Variants in FGF23 observed in about 807,000 individuals in gnomAD.
FGF23 encodes the protein fibroblast growth factor 23.
Under a neutral mutation model 9.0 loss-of-function variants are expected in FGF23, and 8 were observed. The ratio of observed to expected loss-of-function variants is 0.89; its 90% CI spans 0.52 to 1.60. FGF23 has a LOEUF of 1.60. FGF23 is among the 40% of genes most tolerant of loss of function. The probability of loss-of-function intolerance (pLI) is 0.00; values close to 1 mark genes in which losing one functional copy is unlikely to be tolerated. For missense variants in FGF23, 311 were observed against 344.3 expected (o/e 0.90, Z 0.77); for synonymous variants, 118 against 146.2 (o/e 0.81, Z 1.39).
Position 4,372,583 on chromosome 12 carries a change from A to C in FGF23, c.315+11T>G. On this transcript the variant is annotated intron_variant, in intron 2 of 2. Transcript: ENST00000237837. ...TTTGCAAATGGTGACCAACACAAAA[A>C]AGAAACTCACTGATCCAAAAATGTT... The C allele has an allele frequency of 6.5e-7, 1 of 1,542,752 alleles. No individual in the cohort carries two copies.
Position 4,379,419 on chromosome 12 carries a change from A to G in FGF23, c.164T>C (p.Ile55Thr). 1 of 1,613,432 alleles carries G rather than the reference A, an allele frequency of 6.2e-7. No homozygotes were observed. The highest frequency in any genetic ancestry group is 8.5e-7 in the Non-Finnish European group (1 of 1,180,024). Residue 55 changes from isoleucine to threonine, a missense_variant, in exon 1 of 3, where the codon ATC (isoleucine) becomes ACC (threonine). Ile to Thr is a moderately conservative substitution (Grantham distance 89, BLOSUM62 -1). This residue lies in a region of FGF23 where 102 missense variants were observed against 108.2 expected (regional missense o/e 0.94). Transcript: ENST00000237837. ...ATARNSYHLQ[I>T]HKNGHVDGAP... ...GCCATCCACATGGCCATTCTTGTGGATCTGCAGGTGGTAGCTGTTCCTGGC... is the reference window on the plus strand; with the variant it reads ...GCCATCCACATGGCCATTCTTGTGGGTCTGCAGGTGGTAGCTGTTCCTGGC...
At chr12:4,370,935 T>C in intron 2 of FGF23, 152 bp from the exon 3 acceptor site, 1 of 738,814 alleles carries the variant, frequency 1.4e-6, no homozygotes, top group Admixed American at 2.0e-5. Flanking sequence ...CCTGCTGGGG[T>C]AGAGTGGTTT....
At chr12:4,377,597 A>C (rs1305958118) in intron 1 of FGF23, among the ~76,000 whole-genome samples, 1 of 141,622 alleles carries the variant, frequency 7.1e-6, no homozygotes. Flanking sequence ...CGCCTGGCTA[A>C]TTTTTTGTAT....
chr12:4,377,583 A>C lies in FGF23; in HGVS notation c.211+1789T>G, dbSNP rs568700939. On this transcript the variant is annotated intron_variant, in intron 1 of 2. Coordinates refer to ENST00000237837, the MANE Select transcript of FGF23 (RefSeq NM_020638.3). ...GTAGCTGGGACTACAGGCGCCTGCC[A>C]CCACGCCTGGCTAATTTTTTGTATT... Among the ~76,000 whole-genome samples, 328 of 147,698 alleles carry C rather than the reference A, an allele frequency of 2.2e-3. 5 individuals are homozygous for C. Among genetic ancestry groups the C allele is most frequent in the African/African-American group, 7.7e-3 (312 of 40,620 alleles).
rs1865045838 is a variant in FGF23 at position 4,370,229 on chromosome 12, A to C, written c.*114T>G. ...GGAAGGGACCCCAGAGAAGCAGCAAATTCCATACATGCCCCTGTCACCTTT... is the reference window on the plus strand; with the variant it reads ...GGAAGGGACCCCAGAGAAGCAGCAACTTCCATACATGCCCCTGTCACCTTT... On this transcript the variant is annotated 3_prime_UTR_variant, in exon 3 of 3. Transcript: ENST00000237837. 1 of 1,112,990 alleles carries C rather than the reference A, an allele frequency of 9.0e-7. No individual in the cohort carries two copies. The highest frequency in any genetic ancestry group is 1.3e-6 in the Non-Finnish European group (1 of 747,718). The allele number at this position is 1,112,990 out of a possible 1,614,324, so 68.9% of individuals were successfully genotyped here.
Position 4,370,513 on chromosome 12 carries a change from G to T in FGF23, c.586C>A (p.Arg196=). ...ERDPLNVLKP[R]ARMTPAPASC... Reference sequence around the variant, plus strand: ...GCCGGGGCCGGGGTCATCCGGGCCCGGGGCTTCAGCACGTTCAGGGGGTCC... The same window carrying T: ...GCCGGGGCCGGGGTCATCCGGGCCCTGGGCTTCAGCACGTTCAGGGGGTCC... The change falls in exon 3 of 3, where the codon CGG becomes AGG. Residue 196 remains arginine, a synonymous_variant. Coordinates refer to ENST00000237837, the MANE Select transcript of FGF23 (RefSeq NM_020638.3). 6.2e-7 allele frequency: 1 copy of T among 1,611,192 alleles called. No individual in the cohort carries two copies. The highest frequency in any genetic ancestry group is 8.5e-7 in the Non-Finnish European group (1 of 1,178,166).
intron 1 of FGF23, among the ~76,000 whole-genome samples, chr12:4,376,948 C>T (rs1191289182): frequency 2.0e-5 from 3 of 152,106 alleles, no homozygotes; most frequent in Non-Finnish European, 4.4e-5. Flanking sequence ...GATCTCCCTC[C>T]CACTACCCTG....
chr12:4,372,908 C>T (rs977133453), intron 1 of FGF23, among the ~76,000 whole-genome samples: 12 of 152,216 alleles, frequency 7.9e-5, no homozygotes, highest in Non-Finnish European at 1.2e-4. Flanking sequence ...TCATTCACCT[C>T]CTGCTTCATC....
chr12:4,375,678 C>T (rs891050093), intron 1 of FGF23, among the ~76,000 whole-genome samples: 5 of 152,158 alleles, frequency 3.3e-5, no homozygotes, highest in Admixed American at 3.3e-4. Flanking sequence ...TCAAGGTGTC[C>T]TCTAGGTCTT....
rs371972859 is a variant in FGF23 at position 4,370,393 on chromosome 12, C to G, written c.706G>C (p.Ala236Pro). 9.9e-6 allele frequency: 16 copies of G among 1,613,638 alleles called. No homozygotes were observed. In the African/African-American group the frequency reaches 1.7e-4, roughly 18 times the overall value. Residue 236 changes from alanine (A) to proline (P), a missense_variant, in exon 3 of 3, where the codon GCT becomes CCT. Transcript: ENST00000237837. ...CAGCCTTCCGGGCCCGTTCCCCCAG[C>G]GTGCGTGTTCACTCGACCGCCCCTG... ...VVRGGRVNTHAGGTGPEGCRP... is the reference protein window; with the variant it reads ...VVRGGRVNTHPGGTGPEGCRP...
chr12:4,376,808 C>A (rs114566894), intron 1 of FGF23, among the ~76,000 whole-genome samples: 1 of 152,094 alleles, frequency 6.6e-6, no homozygotes, highest in African/African-American at 2.4e-5. Flanking sequence ...CGTGAGCCAC[C>A]GCATCTGGCC....
chr12:4,379,052 AT>A (rs1865148690), intron 1 of FGF23, among the ~76,000 whole-genome samples: 1 of 151,906 alleles, frequency 6.6e-6, no homozygotes, highest in Non-Finnish European at 1.5e-5. Context: ...CTTTCTGTAC[AT>A]TTTTTCAATC....
rs557303699 is a variant in FGF23 at position 4,379,522 on chromosome 12, C to T, written c.61G>A (p.Val21Ile). Reference protein sequence around the residue: ...CALCSVCSMSVLRAYPNASPL... With the variant: ...CALCSVCSMSILRAYPNASPL... ...GAGGCATTGGGATAGGCTCTGAGGA[C>T]GCTCATGCTGCAGACGCTGCACAAG... The change falls in exon 1 of 3, where the codon GTC becomes ATC. Residue 21 changes from valine to isoleucine, a missense_variant. Transcript: ENST00000237837. The T allele has an allele frequency of 2.2e-5, 36 of 1,612,450 alleles. No homozygotes were observed. Among genetic ancestry groups the T allele is most frequent in the East Asian group, 4.5e-5 (2 of 44,896 alleles).
chr12:4,369,154 G>A lies in FGF23; in HGVS notation c.*1189C>T, dbSNP rs1865034009. The A allele has an allele frequency of 4.3e-6, 1 of 231,140 alleles. No individual in the cohort carries two copies. The highest frequency in any genetic ancestry group is 5.6e-5 in the Admixed American group (1 of 17,702). The allele number at this position is 231,140 out of a possible 1,614,324, so 14.3% of individuals were successfully genotyped here. A position where few individuals can be genotyped will look rare whatever the true frequency, so the allele number is the denominator to read the frequency against. On this transcript the variant is annotated 3_prime_UTR_variant, in exon 3 of 3. Coordinates refer to ENST00000237837, the MANE Select transcript of FGF23 (RefSeq NM_020638.3). ...CCTAGGAGAGTTTTAACTAATCGAAGAGCCACTGCTGCTGCAGAGCCCTAG... is the reference window on the plus strand; with the variant it reads ...CCTAGGAGAGTTTTAACTAATCGAAAAGCCACTGCTGCTGCAGAGCCCTAG...
In FGF23 at chr12:4,370,240, G is replaced by T; in HGVS notation, c.*103C>A. On this transcript the variant is annotated 3_prime_UTR_variant, in exon 3 of 3. Transcript: ENST00000237837. ...CAGAGAAGCAGCAAATTCCATACATGCCCCTGTCACCTTTCCCATCCTCGG... is the reference window on the plus strand; with the variant it reads ...CAGAGAAGCAGCAAATTCCATACATTCCCCTGTCACCTTTCCCATCCTCGG... 8.5e-7 allele frequency: 1 copy of T among 1,183,410 alleles called. No individual in the cohort carries two copies. The allele number at this position is 1,183,410 out of a possible 1,614,324, so 73.3% of individuals were successfully genotyped here.
At chr12:4,375,667 G>A (rs1865109680) in intron 1 of FGF23, among the ~76,000 whole-genome samples, 1 of 152,160 alleles carries the variant, frequency 6.6e-6, no homozygotes, top group Non-Finnish European at 1.5e-5. Flanking sequence ...GGGATTTGGG[G>A]TCAAGGTGTC....
rs769336439 is a variant in FGF23 at position 4,379,510 on chromosome 12, A to G, written c.73T>C (p.Tyr25His). 1.1e-5 allele frequency: 17 copies of G among 1,612,786 alleles called. No individual in the cohort carries two copies. The Admixed American group carries it at 2.7e-4, about 25-fold the overall frequency. The change falls in exon 1 of 3, where the codon TAT becomes CAT. Residue 25 changes from tyrosine to histidine, a missense_variant. By Grantham distance (83) the Tyr-to-His change is moderately conservative. Around this residue, in one of 3 missense-constraint regions of FGF23, gnomAD observed 102 missense variants for 108.2 expected, o/e 0.94. Coordinates refer to ENST00000237837, the MANE Select transcript of FGF23 (RefSeq NM_020638.3). The stretch of plus-strand genomic sequence containing the variant: ...CCGAGCAGTGGGGAGGCATTGGGAT[A>G]GGCTCTGAGGACGCTCATGCTGCAG... ...SVCSMSVLRAYPNASPLLGSS... is the reference protein window; with the variant it reads ...SVCSMSVLRAHPNASPLLGSS...
Position 4,368,893 on chromosome 12 carries a change from CA to C in FGF23, c.*1449del. The C allele has an allele frequency of 4.5e-6, 1 of 219,984 alleles. No individual in the cohort carries two copies. Among genetic ancestry groups the C allele is most frequent in the Non-Finnish European group, 9.1e-6 (1 of 110,020 alleles). The allele number at this position is 219,984 out of a possible 1,614,324, so 13.6% of individuals were successfully genotyped here. ...AGTTGCCCAACATTTCTCTCATAAC[CA>C]AAAAGAATAGATCAAAGTATAAGGT... On this transcript the variant is annotated 3_prime_UTR_variant, in exon 3 of 3. Transcript: ENST00000237837.
At position 4,370,769 on chromosome 12, in the gene FGF23, C is replaced by T. The variant is rs1202091925; in HGVS notation, c.330G>A (p.Pro110=). 5 of 1,614,012 alleles carry T rather than the reference C, an allele frequency of 3.1e-6. No individual in the cohort carries two copies. The highest frequency in any genetic ancestry group is 1.3e-5 in the African/African-American group (1 of 75,028). Residue 110 remains proline, a synonymous_variant, in exon 3 of 3, where the codon CCG becomes CCA. Transcript: ENST00000237837. ...GNIFGSHYFD[P]ENCRFQHQTL... Reference sequence around the variant, plus strand: ...TCTGGTGTTGGAACCTGCAGTTCTCCGGGTCGAAATAGTGCTGGAAGGACA... The same window carrying T: ...TCTGGTGTTGGAACCTGCAGTTCTCTGGGTCGAAATAGTGCTGGAAGGACA...
Sources: gnomAD v4.1 joint callset for allele counts (sites outside exome capture counted in the v4.1 genomes callset) on GRCh38, gnomAD v4.1.1 for gene constraint, gnomAD v4.1.1 regional missense constraint, MANE v1.5 for transcripts, NCBI Gene and HGNC (gene_info 2026-07-23, HGNC 2026-07-21) for gene names.